Variants in VCL observed in about 807,000 individuals in gnomAD.
VCL encodes the protein epididymis luminal protein 114.
A neutral mutation model predicts 125.7 loss-of-function variants in VCL; 47 were observed. The observed-to-expected ratio is 0.37, with a 90% CI of 0.30 to 0.48. The LOEUF (loss-of-function observed/expected upper bound fraction) is 0.48. VCL is among the 20% of genes least tolerant of loss of function. The pLI is 0.99. For synonymous variants in VCL, 458 were observed against 514.6 expected (o/e 0.89, Z 1.49); for missense variants, 1,069 against 1,455.5 (o/e 0.73, Z 4.32).
rs1840356945 is a variant in VCL, at chr10:74,119,133, T to G, written c.*964T>G. ...TCATTTTGAGCTGAAATGCTGCATT[T>G]TAATTTTAACCAAAACATGTCTCCT... is the stretch of plus-strand genomic sequence containing the variant. On this transcript the variant is annotated 3_prime_UTR_variant, in exon 22 of 22. Coordinates refer to ENST00000211998, the MANE Select transcript of VCL (RefSeq NM_014000.3). 1 of 139,988 alleles carries G rather than the reference T, an allele frequency of 7.1e-6. No individual in the cohort carries two copies. The highest frequency in any genetic ancestry group is 2.6e-5 in the African/African-American group (1 of 38,366). 8.7% of individuals were successfully genotyped at this position (139,988 alleles called of 1,614,324 possible). A position where few individuals can be genotyped will look rare whatever the true frequency, so the allele number is the denominator to read the frequency against.
At chr10:74,058,362 C>A (rs147881108) in intron 2 of VCL, among the ~76,000 whole-genome samples, 1 of 152,090 alleles carries the variant, frequency 6.6e-6, no homozygotes, top group Non-Finnish European at 1.5e-5. Context: ...ATACAGGGAT[C>A]GTGGTATGTA....
chr10:74,116,291 CTT>C (rs1840309381), intron 21 of VCL, among the ~76,000 whole-genome samples: 2 of 152,186 alleles, frequency 1.3e-5, no homozygotes, highest in Admixed American at 1.3e-4. Flanking sequence ...CTAATCCTCT[CTT>C]CTCCCAAACC....
chr10:74,111,314 T>C (rs1195180853), intron 18 of VCL, among the ~76,000 whole-genome samples: 2 of 152,182 alleles, frequency 1.3e-5, no homozygotes, highest in Non-Finnish European at 2.9e-5. Context: ...TTGGTATTCG[T>C]TACCTCTGAT....
At chr10:74,043,375 T>A (rs1010741689) in intron 2 of VCL, among the ~76,000 whole-genome samples, 9 of 152,118 alleles carry the variant, frequency 5.9e-5, no homozygotes, top group Admixed American at 4.6e-4. Context: ...AGACGGAGTT[T>A]CACCCTCGTC....
chr10:74,085,703 A>G (rs1839759468), intron 8 of VCL, among the ~76,000 whole-genome samples: 1 of 152,166 alleles, frequency 6.6e-6, no homozygotes, highest in South Asian at 2.1e-4. Context: ...TTGGAATAGG[A>G]TGAGACACTC....
At chr10:74,035,091 T>C (rs1840946934) in intron 1 of VCL, among the ~76,000 whole-genome samples, 1 of 152,240 alleles carries the variant, frequency 6.6e-6, no homozygotes, top group Admixed American at 6.5e-5. Flanking sequence ...TTTAATGTAA[T>C]GTTCTTTAGT....
chr10:74,103,171 T>G (rs1000165003), intron 14 of VCL, among the ~76,000 whole-genome samples: 7 of 152,178 alleles, frequency 4.6e-5, no homozygotes, highest in Non-Finnish European at 8.8e-5. Context: ...CCCGGCCGAC[T>G]CCTCTGTGCT....
intron 1 of VCL, among the ~76,000 whole-genome samples, chr10:74,014,103 T>C (rs1840490133): frequency 6.6e-6 from 1 of 152,248 alleles, no homozygotes; most frequent in Non-Finnish European, 1.5e-5. Context: ...TTAATTTATA[T>C]TTATTTTGTT....
intron 1 of VCL, among the ~76,000 whole-genome samples, chr10:74,004,279 C>A (rs1338633773): frequency 6.6e-6 from 1 of 152,000 alleles, no homozygotes; most frequent in East Asian, 1.9e-4. Context: ...TCATTTATAG[C>A]TCATAAAATA....
intron 1 of VCL, among the ~76,000 whole-genome samples, chr10:74,014,576 A>G (rs1347929246): frequency 6.6e-6 from 1 of 152,066 alleles, no homozygotes; most frequent in African/African-American, 2.4e-5. Context: ...GAAAAAAAGC[A>G]AAACGAAAAT....
intron 2 of VCL, among the ~76,000 whole-genome samples, chr10:74,059,453 G>A (rs1276482685): frequency 1.3e-5 from 2 of 151,088 alleles, no homozygotes; most frequent in Admixed American, 1.3e-4. Context: ...CACGAAGGCT[G>A]TAGTGCAGTG....
At chr10:74,021,841 T>A (rs74146309) in intron 1 of VCL, among the ~76,000 whole-genome samples, 9,636 of 152,300 alleles carry the variant, frequency 0.063, 1,039 homozygotes, top group African/African-American at 0.22. Flanking sequence ...CTTCTTTTTT[T>A]TTCCAACAAA....
chr10:74,012,527 G>A (rs146973276), intron 1 of VCL, among the ~76,000 whole-genome samples: 1 of 152,286 alleles, frequency 6.6e-6, no homozygotes, highest in East Asian at 1.9e-4. Context: ...AAAGAGTTGT[G>A]TGTTAACTAC....
At chr10:74,090,502 C>T (rs961593076) in intron 10 of VCL, among the ~76,000 whole-genome samples, 1 of 152,116 alleles carries the variant, frequency 6.6e-6, no homozygotes, top group African/African-American at 2.4e-5. Context: ...CTAGGGCTTT[C>T]TTTGATACAT....
chr10:74,072,318 A>G (rs1391261205), intron 4 of VCL, among the ~76,000 whole-genome samples: 1 of 152,104 alleles, frequency 6.6e-6, no homozygotes, highest in Non-Finnish European at 1.5e-5. Context: ...TATTCTTAGA[A>G]CTTTTTTCAG....
rs1840112461 is a variant in VCL, at chr10:74,105,211, G to A, written c.2292G>A (p.Leu764=). 6.2e-7 allele frequency: 1 copy of A among 1,614,080 alleles called. No individual in the cohort carries two copies. Among genetic ancestry groups the A allele is most frequent in the African/African-American group, 1.3e-5 (1 of 74,908 alleles). ...TSIARRANRI[L]LVAKREVENS... ...TTGCTCGTCGGGCCAACCGGATCCT[G>A]CTGGTGGCTAAGAGGGAGGTGGAGA... Residue 764 remains leucine, a synonymous_variant, in exon 16 of 22, where the codon CTG becomes CTA. Transcript: ENST00000211998.
intron 1 of VCL, among the ~76,000 whole-genome samples, chr10:74,015,885 A>G (rs897713121): frequency 1.3e-5 from 2 of 152,090 alleles, no homozygotes; most frequent in African/African-American, 4.8e-5. Context: ...GGGTTTTACC[A>G]TGTTGGTCAG....
chr10:74,035,533 A>C (rs1039969379), intron 1 of VCL, among the ~76,000 whole-genome samples: 1 of 152,190 alleles, frequency 6.6e-6, no homozygotes, highest in African/African-American at 2.4e-5. Flanking sequence ...TTATATCTAA[A>C]GATGTTTTAT....
chr10:74,055,530 A>AT (rs969578047), intron 2 of VCL, among the ~76,000 whole-genome samples: 387 of 143,846 alleles, frequency 2.7e-3, no homozygotes, highest in Middle Eastern at 7.1e-3. Context: ...GAAAAAAAAA[A>AT]TTTTTTTTTT....
Sources: gnomAD v4.1 joint callset for allele counts (sites outside exome capture counted in the v4.1 genomes callset) on GRCh38, gnomAD v4.1.1 for gene constraint, MANE v1.5 for transcripts, NCBI Gene and HGNC (gene_info 2026-07-23, HGNC 2026-07-21) for gene names.